RPN2: variants seen among roughly 807,000 people sequenced by gnomAD.
The protein encoded by RPN2 is ribophorin II.
A neutral mutation model predicts 71.4 loss-of-function variants in RPN2; 29 were observed. The ratio of observed to expected loss-of-function variants is 0.41; its 90% CI spans 0.30 to 0.55. The LOEUF is 0.55. Ranked by LOEUF, RPN2 falls within the 20% of genes least tolerant of loss-of-function variation. RPN2 has a pLI of 0.35. For synonymous variants in RPN2, 308 were observed against 305.0 expected (o/e 1.01, Z -0.10); for missense variants, 726 against 774.1 (o/e 0.94, Z 0.74).
At chr20:37,194,555 C>G (rs923716673) in intron 2 of RPN2, among the ~76,000 whole-genome samples, 1 of 152,244 alleles carries the variant, frequency 6.6e-6, no homozygotes, top group African/African-American at 2.4e-5. Flanking sequence ...AGCCATCACG[C>G]CCAGCCAGGA....
At position 37,228,622 on chromosome 20, in the gene RPN2, G is replaced by T. The variant is rs114917981; in HGVS notation, c.1372G>T (p.Val458Leu). 420 of 1,614,222 alleles carry T rather than the reference G, an allele frequency of 2.6e-4. 6 individuals are homozygous for T. The East Asian group carries it at 8.5e-3, about 33-fold the overall frequency. ...TGTTGCCGAGCCAGACAACAAGAAC[G>T]TGTACAAGTTTGAACTGGATACCTC... ...VFVAEPDNKN[V>L]YKFELDTSER... The change falls in exon 12 of 17, where the codon GTG becomes TTG. Residue 458 changes from valine (V) to leucine (L), a missense_variant. Val to Leu is a conservative substitution (Grantham distance 32). Transcript: ENST00000237530.
rs759056271 is a variant in RPN2, at chr20:37,203,944, T to C, written c.539T>C (p.Ile180Thr). The C allele has an allele frequency of 6.2e-6, 10 of 1,613,578 alleles. No homozygotes were observed. Among genetic ancestry groups the C allele is most frequent in the Admixed American group, 1.7e-5 (1 of 60,010 alleles). The change falls in exon 5 of 17, where the codon ATC (isoleucine) becomes ACC (threonine). Residue 180 changes from isoleucine to threonine, a missense_variant. Coordinates refer to ENST00000237530, the MANE Select transcript of RPN2 (RefSeq NM_002951.5). Reference sequence around the variant, plus strand: ...TCCCAGCAGGCTGACCTGAGGAGCATCGTGGAGGAGATTGAGGTGTGAATC... The same window carrying C: ...TCCCAGCAGGCTGACCTGAGGAGCACCGTGGAGGAGATTGAGGTGTGAATC... ...HLSQQADLRSIVEEIEDLVAR... is the reference protein window; with the variant it reads ...HLSQQADLRSTVEEIEDLVAR...
chr20:37,185,392 C>CT (rs762442458), intron 2 of RPN2, among the ~76,000 whole-genome samples: 3 of 150,234 alleles, frequency 2.0e-5, no homozygotes, highest in Non-Finnish European at 4.4e-5. Context: ...CTGCCTCAGC[C>CT]TCCCAAAGTG....
intron 4 of RPN2, among the ~76,000 whole-genome samples, chr20:37,203,056 C>G (rs1161729258): frequency 6.6e-6 from 1 of 152,070 alleles, no homozygotes; most frequent in Non-Finnish European, 1.5e-5. Flanking sequence ...TCCTGAGTAC[C>G]TGGGACTATA....
At chr20:37,181,420 GTTTTT>G (rs2066877624) in intron 1 of RPN2, among the ~76,000 whole-genome samples, 1 of 146,780 alleles carries the variant, frequency 6.8e-6, no homozygotes, top group African/African-American at 2.5e-5. Flanking sequence ...TTTGCATTTG[GTTTTT>G]CTTTTCTTTT....
At chr20:37,227,873 C>T (rs956781849) in intron 11 of RPN2, among the ~76,000 whole-genome samples, 3 of 152,160 alleles carry the variant, frequency 2.0e-5, no homozygotes, top group Non-Finnish European at 2.9e-5. Context: ...TAGCATATAC[C>T]GTTCCCTGCA....
intron 7 of RPN2, among the ~76,000 whole-genome samples, chr20:37,209,607 G>C (rs2067606314): frequency 6.6e-6 from 1 of 151,894 alleles, no homozygotes; most frequent in African/African-American, 2.4e-5. Context: ...GGGACTACAA[G>C]CACATGCCAC....
At chr20:37,211,534 C>T (rs1046855660) in intron 8 of RPN2, among the ~76,000 whole-genome samples, 5 of 151,102 alleles carry the variant, frequency 3.3e-5, no homozygotes, top group South Asian at 4.2e-4. Context: ...CCAGCTACTC[C>T]GGAGGCTGAG....
Position 37,217,286 on chromosome 20 carries a change from A to G in RPN2, c.1092+3421A>G, listed in dbSNP as rs73097126. Among the ~76,000 whole-genome samples the G allele has an allele frequency of 2.5e-4, 38 of 149,510 alleles. 1 individual carries two copies. Among genetic ancestry groups the G allele is most frequent in the Admixed American group, 2.7e-4 (4 of 15,058 alleles). On this transcript the variant is annotated intron_variant, in intron 9 of 16. Transcript: ENST00000237530. ...GTGAAAACTAAATATTATTATTATTATTATTATTATTATTCTTTTTTTTTT... is the reference window on the plus strand; with the variant it reads ...GTGAAAACTAAATATTATTATTATTGTTATTATTATTATTCTTTTTTTTTT...
chr20:37,218,733 A>G (rs2067881257), intron 9 of RPN2, among the ~76,000 whole-genome samples: 1 of 151,428 alleles, frequency 6.6e-6, no homozygotes. Context: ...GTGGTTGCCT[A>G]TTTGGGACAT....
In RPN2 at chr20:37,205,999, A is replaced by G. The variant is rs1371683079; in HGVS notation, c.690+1098A>G. Reference sequence around the variant, plus strand: ...TTCTGGTGAACAGTCACCCATTTTAACGTGTCAACAGAGTAGTGATGGAAA... The same window carrying G: ...TTCTGGTGAACAGTCACCCATTTTAGCGTGTCAACAGAGTAGTGATGGAAA... On this transcript the variant is annotated intron_variant, in intron 6 of 16. Coordinates refer to ENST00000237530, the MANE Select transcript of RPN2 (RefSeq NM_002951.5). Among the ~76,000 whole-genome samples, 6 of 152,306 alleles carry G rather than the reference A, an allele frequency of 3.9e-5. No homozygotes were observed. In the East Asian group the frequency reaches 1.2e-3, roughly 29 times the overall value.
At chr20:37,236,525 C>T (rs181214702) in intron 15 of RPN2, 55 bp from the exon 16 acceptor site, 660 of 1,602,134 alleles carry the variant, frequency 4.1e-4, no homozygotes, top group Non-Finnish European at 5.1e-4. Context: ...TTTCCTCAAC[C>T]GCAGGGCATC....
At position 37,230,062 on chromosome 20, in the gene RPN2, A is replaced by G. The variant is rs760474870; in HGVS notation, c.1581+3A>G. The G allele has an allele frequency of 5.6e-6, 9 of 1,611,822 alleles. No individual in the cohort carries two copies. The highest frequency in any genetic ancestry group is 7.6e-6 in the Non-Finnish European group (9 of 1,177,860). On this transcript the variant is annotated splice_donor_region_variant and intron_variant, in intron 13 of 16. Coordinates refer to ENST00000237530, the MANE Select transcript of RPN2 (RefSeq NM_002951.5). ...TCACTCCAAAACAGGAAATTCAGGTATATCCCAAAGGGCCTATCCACTAAA... is the reference window on the plus strand; with the variant it reads ...TCACTCCAAAACAGGAAATTCAGGTGTATCCCAAAGGGCCTATCCACTAAA...
Position 37,182,159 on chromosome 20 carries a change from T to A in RPN2, c.14-2021T>A, listed in dbSNP as rs191774153. ...CCCAGGCTGGAGTGCAGTGGTGCGA[T>A]CTCGGCTCACTGCAACTTCCGCCTC... On this transcript the variant is annotated intron_variant, in intron 1 of 16. Coordinates refer to ENST00000237530, the MANE Select transcript of RPN2 (RefSeq NM_002951.5). 8.4e-3 allele frequency among the ~76,000 whole-genome samples: 1,286 copies of A among 152,256 alleles called. 18 individuals carry two copies. The highest frequency in any genetic ancestry group is 0.028 in the African/African-American group (1,183 of 41,542).
At chr20:37,209,792 C>A (rs756144541) in intron 7 of RPN2, among the ~76,000 whole-genome samples, 1 of 151,970 alleles carries the variant, frequency 6.6e-6, no homozygotes, top group Non-Finnish European at 1.5e-5. Flanking sequence ...CTGATAAATT[C>A]TTTTAAAGAT....
rs376327273 is a variant in RPN2 at position 37,217,151 on chromosome 20, C to T, written c.1092+3286C>T. Among the ~76,000 whole-genome samples, 12 of 150,806 alleles carry T rather than the reference C, an allele frequency of 8.0e-5. No individual in the cohort carries two copies. The South Asian group carries it at 1.5e-3, about 18-fold the overall frequency. On this transcript the variant is annotated intron_variant, in intron 9 of 16. Coordinates refer to ENST00000237530, the MANE Select transcript of RPN2 (RefSeq NM_002951.5). The stretch of plus-strand genomic sequence containing the variant: ...TTTGCCATGTTGCCCAGGCTGCTCT[C>T]GAACTCCTGGGCTCAAGCGATCTGC...
Position 37,196,416 on chromosome 20 carries a change from G to A in RPN2, c.208-1981G>A, listed in dbSNP as rs199935041. On this transcript the variant is annotated intron_variant, in intron 2 of 16. Coordinates refer to ENST00000237530, the MANE Select transcript of RPN2 (RefSeq NM_002951.5). ...AGCTAATTTTGTTTTTGTGTTTTTAGTAGAGATGGGGTTTCACCGTGTTAG... is the reference window on the plus strand; with the variant it reads ...AGCTAATTTTGTTTTTGTGTTTTTAATAGAGATGGGGTTTCACCGTGTTAG... Among the ~76,000 whole-genome samples the A allele has an allele frequency of 1.3e-4, 20 of 152,272 alleles. No individual in the cohort carries two copies. The East Asian group carries it at 3.7e-3, about 28-fold the overall frequency.
intron 9 of RPN2, among the ~76,000 whole-genome samples, chr20:37,217,000 G>C (rs1168110597): frequency 6.7e-6 from 1 of 150,228 alleles, no homozygotes; most frequent in South Asian, 2.1e-4. Flanking sequence ...GCGTGATCAT[G>C]GCTCACTACA....
chr20:37,237,958 A>G (rs1046254730), intron 16 of RPN2, among the ~76,000 whole-genome samples: 1 of 152,140 alleles, frequency 6.6e-6, no homozygotes, highest in African/African-American at 2.4e-5. Context: ...TTGGGAGGCT[A>G]AGGCGGGAGG....
Sources: allele counts gnomAD v4.1 joint callset (sites outside exome capture counted in the v4.1 genomes callset), GRCh38; gene constraint gnomAD v4.1.1; transcripts MANE v1.5; gene names NCBI Gene and HGNC (gene_info 2026-07-23, HGNC 2026-07-21).